The following BOD1L1 variants were observed in gnomAD, a reference collection of about 807,000 sequenced individuals.
BOD1L1 encodes the protein biorientation of chromosomes in cell division protein 1-like 1.
In BOD1L1, 86 loss-of-function variants were observed where a neutral mutation model predicts 240.7. The observed-to-expected ratio is 0.36, with a 90% CI of 0.30 to 0.43. The LOEUF (loss-of-function observed/expected upper bound fraction) is 0.43, where lower values mean the gene tolerates loss of function less well. Among genes scored for constraint, BOD1L1 ranks in the 20% least tolerant of loss-of-function variants. The probability of loss-of-function intolerance (pLI) is 1.00; values close to 1 mark genes in which losing one functional copy is unlikely to be tolerated. For missense variants in BOD1L1, 3,554 were observed against 3,643.5 expected (o/e 0.98, Z 0.63); for synonymous variants, 1,268 against 1,272.3 (o/e 1.00, Z 0.07).
chr4:13,612,271 C>A (rs982367559), intron 5 of BOD1L1, among the ~76,000 whole-genome samples: 1 of 152,148 alleles, frequency 6.6e-6, no homozygotes, highest in Non-Finnish European at 1.5e-5. Context: ...GGTAGCCTAT[C>A]CGAAAGCTGG....
At chr4:13,619,839 G>T in intron 2 of BOD1L1, 104 bp downstream of exon 2, 1 of 1,367,060 alleles carries the variant, frequency 7.3e-7, no homozygotes, top group Non-Finnish European at 9.8e-7. Flanking sequence ...CAGTAAAATT[G>T]TCAACATCAT....
intron 11 of BOD1L1, 109 bp downstream of exon 11, chr4:13,596,995 A>C (rs1009076343): frequency 1.5e-5 from 13 of 849,482 alleles, no homozygotes; most frequent in Non-Finnish European, 2.4e-5. Context: ...AAATATCATA[A>C]GTACAATGAG....
intron 2 of BOD1L1, among the ~76,000 whole-genome samples, chr4:13,618,168 C>T (rs1047942928): frequency 2.6e-5 from 4 of 152,262 alleles, no homozygotes; most frequent in African/African-American, 7.2e-5. Flanking sequence ...TGCTCCCTTA[C>T]CTTATAGATT....
chr4:13,581,884 C>T (rs1713261693), intron 19 of BOD1L1, among the ~76,000 whole-genome samples: 1 of 152,140 alleles, frequency 6.6e-6, no homozygotes, highest in Non-Finnish European at 1.5e-5. Context: ...CCTAGCTGGA[C>T]TCCATGGCTC....
intron 12 of BOD1L1, among the ~76,000 whole-genome samples, chr4:13,594,007 A>C (rs1263781833): frequency 6.6e-6 from 1 of 152,222 alleles, no homozygotes; most frequent in African/African-American, 2.4e-5. Flanking sequence ...TGGTAAGCCA[A>C]AGCTAAAAGT....
rs1295593629 is a variant in BOD1L1 at position 13,614,258 on chromosome 4, C to A, written c.1112G>T (p.Ser371Ile). The A allele has an allele frequency of 6.5e-7, 1 of 1,539,826 alleles. No homozygotes were observed. The highest frequency in any genetic ancestry group is 2.1e-5 in the Admixed American group (1 of 48,714). The change falls in exon 4 of 26, where the codon AGT (serine) becomes ATT (isoleucine). Residue 371 changes from serine (S) to isoleucine (I), a missense_variant. Physicochemically the swap from Ser to Ile is moderately radical, Grantham distance 142. This residue lies in a region of BOD1L1 where 3,393 missense variants were observed against 3,427.1 expected (regional missense o/e 0.99). Transcript: ENST00000040738. ...GTTCTTTTCTGAAGGAAGTTTTAAA[C>A]TCTCTACTTCTTTTTCCTTTGCTTG... ...EKQAKEKEVESLKLPSEKNSN... is the reference protein window; with the variant it reads ...EKQAKEKEVEILKLPSEKNSN...
chr4:13,620,203 T>G, intron 1 of BOD1L1, 136 bp from the exon 2 acceptor site: 8 of 850,268 alleles, frequency 9.4e-6, no homozygotes, highest in Non-Finnish European at 1.4e-5. Context: ...CTTACACTCA[T>G]TCAAATACTA....
chr4:13,596,002 AC>A, intron 11 of BOD1L1, 58 bp from the exon 12 acceptor site: 1 of 1,402,072 alleles, frequency 7.1e-7, no homozygotes. Context: ...AAGAAGACTA[AC>A]CTCAAGTGAA....
chr4:13,599,803 G>A lies in BOD1L1; in HGVS notation c.7097C>T (p.Thr2366Ile). ...GGGGACCTTGTGCTTGCTCACTTCT[G>A]TGGCTGACAGGTCACCGTTCCCTTC... ...NPEGNGDLSATEVSKHKVPMP... is the reference protein window; with the variant it reads ...NPEGNGDLSAIEVSKHKVPMP... Residue 2366 changes from threonine to isoleucine, a missense_variant, in exon 10 of 26, where the codon ACA becomes ATA. By Grantham distance (89) the Thr-to-Ile change is moderately conservative (BLOSUM62 -1). Coordinates refer to ENST00000040738, the MANE Select transcript of BOD1L1 (RefSeq NM_148894.3). The A allele has an allele frequency of 6.2e-7, 1 of 1,614,012 alleles. No individual in the cohort carries two copies. The highest frequency in any genetic ancestry group is 2.2e-5 in the East Asian group (1 of 44,870).
At position 13,604,348 on chromosome 4, in the gene BOD1L1, T is replaced by G; in HGVS notation, c.2552A>C (p.Gln851Pro). ...KSRRSSDSKI[Q>P]KDSLGSKQHG... is the part of the protein sequence containing the mutation. ...TTGCTTGGAACCCAGAGAATCTTTCTGAATTTTAGAATCACTTGACCTTCT... is the reference window on the plus strand; with the variant it reads ...TTGCTTGGAACCCAGAGAATCTTTCGGAATTTTAGAATCACTTGACCTTCT... The change falls in exon 10 of 26, where the codon CAG (glutamine) becomes CCG (proline). Residue 851 changes from glutamine (Q) to proline (P), a missense_variant. By Grantham distance (76) the Gln-to-Pro change is moderately conservative. Coordinates refer to ENST00000040738, the MANE Select transcript of BOD1L1 (RefSeq NM_148894.3). 1.9e-6 allele frequency: 3 copies of G among 1,581,076 alleles called. No homozygotes were observed. The highest frequency in any genetic ancestry group is 2.6e-6 in the Non-Finnish European group (3 of 1,169,938).
chr4:13,627,432 C>G lies in BOD1L1; in HGVS notation c.156G>C (p.Gln52His), dbSNP rs1010817110. ...GGAGAGAGDP[Q>H]LVAMIVNHLK... ...GGTGGTTCACGATCATGGCCACGAGCTGCGGGTCCCCGGCGCCCGCACCCG... is the reference window on the plus strand; with the variant it reads ...GGTGGTTCACGATCATGGCCACGAGGTGCGGGTCCCCGGCGCCCGCACCCG... The change falls in exon 1 of 26, where the codon CAG (glutamine) becomes CAC (histidine). Residue 52 changes from glutamine (Q) to histidine (H), a missense_variant. Physicochemically the swap from Gln to His is conservative, Grantham distance 24 (BLOSUM62 0). Coordinates refer to ENST00000040738, the MANE Select transcript of BOD1L1 (RefSeq NM_148894.3). 1.5e-6 allele frequency: 2 copies of G among 1,335,704 alleles called. No individual in the cohort carries two copies. The highest frequency in any genetic ancestry group is 3.0e-5 in the African/African-American group (2 of 66,496). 82.7% of individuals were successfully genotyped at this position (1,335,704 alleles called of 1,614,324 possible). A position where few individuals can be genotyped will look rare whatever the true frequency, so the allele number is the denominator to read the frequency against.
In BOD1L1 at chr4:13,602,507, T is replaced by C; in HGVS notation, c.4393A>G (p.Lys1465Glu). The change falls in exon 10 of 26, where the codon AAA becomes GAA. Residue 1465 changes from lysine (K) to glutamate (E), a missense_variant. This residue lies in a region of BOD1L1 where 3,393 missense variants were observed against 3,427.1 expected (regional missense o/e 0.99). Transcript: ENST00000040738. ...VKLKHKRSPGKVKDISIDVER... is the reference protein window; with the variant it reads ...VKLKHKRSPGEVKDISIDVER... ...ACATCAATTGATATGTCTTTTACTT[T>C]ACCTGGGCTTCTTTTATGCTTAAGT... The C allele has an allele frequency of 6.2e-7, 1 of 1,614,038 alleles. No individual in the cohort carries two copies. The highest frequency in any genetic ancestry group is 1.1e-5 in the South Asian group (1 of 91,090).
At chr4:13,586,172 G>A (rs1243515302) in intron 17 of BOD1L1, among the ~76,000 whole-genome samples, 1 of 152,118 alleles carries the variant, frequency 6.6e-6, no homozygotes, top group Non-Finnish European at 1.5e-5. Context: ...TATCTAAATT[G>A]TAATAATTAA....
intron 2 of BOD1L1, among the ~76,000 whole-genome samples, chr4:13,615,878 G>T (rs1358485750): frequency 6.6e-6 from 1 of 151,692 alleles, no homozygotes; most frequent in Non-Finnish European, 1.5e-5. Flanking sequence ...CTGAGTTCTG[G>T]GTATAAAATA....
At chr4:13,590,038 T>C (rs567703085) in intron 14 of BOD1L1, among the ~76,000 whole-genome samples, 1 of 152,242 alleles carries the variant, frequency 6.6e-6, no homozygotes, top group Non-Finnish European at 1.5e-5. Flanking sequence ...CTAAACTGCC[T>C]GTCAGAAGTT....
chr4:13,579,878 C>T, intron 22 of BOD1L1, 50 bp downstream of exon 22: 1 of 1,469,144 alleles, frequency 6.8e-7, no homozygotes, highest in Non-Finnish European at 9.3e-7. Context: ...CAGCCAGCCT[C>T]TCCTGCCCCT....
At chr4:13,588,064 T>C (rs2108908359) in intron 15 of BOD1L1, among the ~76,000 whole-genome samples, 1 of 151,962 alleles carries the variant, frequency 6.6e-6, no homozygotes, top group Non-Finnish European at 1.5e-5. Context: ...GGCGGGTGCC[T>C]GTAGTCCCAG....
chr4:13,598,905 C>T, intron 10 of BOD1L1, 41 bp downstream of exon 10: 1 of 1,545,286 alleles, frequency 6.5e-7, no homozygotes, highest in Non-Finnish European at 8.8e-7. Flanking sequence ...TACAATCATC[C>T]TTGTAAATAT....
At position 13,601,607 on chromosome 4, in the gene BOD1L1, T is replaced by C. The variant is rs1715174259; in HGVS notation, c.5293A>G (p.Asn1765Asp). The change falls in exon 10 of 26, where the codon AAT becomes GAT. Residue 1765 changes from asparagine (N) to aspartate (D), a missense_variant. Asn to Asp is a conservative substitution (Grantham distance 23). Around this residue, in one of 2 missense-constraint regions of BOD1L1, gnomAD observed 3,393 missense variants for 3,427.1 expected, o/e 0.99. Transcript: ENST00000040738. ...GCACTTGTTCCTGGTGGTGCATCAT[T>C]ATCTCCCAGGACAACACCTGCACCT... ...VTGAGVVLGD[N>D]DAPPGTSASQ... The C allele has an allele frequency of 3.1e-6, 5 of 1,613,864 alleles. No individual in the cohort carries two copies. Among genetic ancestry groups the C allele is most frequent in the South Asian group, 1.1e-5 (1 of 91,082 alleles).
Sources: allele counts gnomAD v4.1 joint callset (sites outside exome capture counted in the v4.1 genomes callset), GRCh38; gene constraint gnomAD v4.1.1; regional missense constraint gnomAD v4.1.1; transcripts MANE v1.5; gene names NCBI Gene and HGNC (gene_info 2026-07-23, HGNC 2026-07-21).